Variants in CCDC69 observed in about 807,000 individuals in gnomAD.
CCDC69 encodes coiled-coil domain containing 69, also known as coiled-coil domain-containing protein 69.
In CCDC69, 38 loss-of-function variants were observed where a neutral mutation model predicts 40.3. The observed-to-expected ratio is 0.94, with a 90% CI of 0.73 to 1.24. CCDC69 has a LOEUF of 1.24. CCDC69 is among the 50% of genes most tolerant of loss of function. CCDC69 has a pLI of 0.00. For missense variants in CCDC69, 389 were observed against 357.9 expected, an observed-to-expected ratio of 1.09 and a Z score of -0.70; for synonymous variants, 141 against 138.9, an observed-to-expected ratio of 1.02 and a Z score of -0.11.
At chr5:151,202,300 G>A (rs970581375) in intron 2 of CCDC69, among the ~76,000 whole-genome samples, 1 of 151,970 alleles carries the variant, frequency 6.6e-6, no homozygotes, top group Non-Finnish European at 1.5e-5. Context: ...GTTCAAGGCT[G>A]CAGTAAGCTA....
chr5:151,216,228 G>T (rs1382907144), intron 1 of CCDC69, among the ~76,000 whole-genome samples: 1 of 152,060 alleles, frequency 6.6e-6, no homozygotes, highest in Non-Finnish European at 1.5e-5. Flanking sequence ...CAAAGTGCTG[G>T]GATTACAGGC....
intron 1 of CCDC69, among the ~76,000 whole-genome samples, chr5:151,217,268 T>A (rs1290578721): frequency 6.6e-6 from 1 of 152,226 alleles, no homozygotes; most frequent in Non-Finnish European, 1.5e-5. Flanking sequence ...CCTCTACAGA[T>A]GCAGCTGCTG....
At chr5:151,192,930 T>A (rs1404534731) in intron 4 of CCDC69, among the ~76,000 whole-genome samples, 1 of 151,856 alleles carries the variant, frequency 6.6e-6, no homozygotes, top group Admixed American at 6.6e-5. Context: ...AAAATAAAAA[T>A]AAAAAATACC....
At chr5:151,207,513 G>C (rs188364305) in intron 1 of CCDC69, among the ~76,000 whole-genome samples, 1 of 149,490 alleles carries the variant, frequency 6.7e-6, no homozygotes, top group Non-Finnish European at 1.5e-5. Context: ...GGATGGTCTC[G>C]ATCTCCTGAC....
chr5:151,195,728 A>AAC (rs1386539944), intron 4 of CCDC69, among the ~76,000 whole-genome samples: 9 of 150,166 alleles, frequency 6.0e-5, no homozygotes, highest in South Asian at 4.2e-4. Context: ...CAAAAAAAAA[A>AAC]AAAAAAAAAA....
intron 3 of CCDC69, among the ~76,000 whole-genome samples, chr5:151,199,793 A>G (rs1752752415): frequency 6.6e-6 from 1 of 152,206 alleles, no homozygotes; most frequent in Non-Finnish European, 1.5e-5. Flanking sequence ...GGTAATGGTC[A>G]GGGCCAAATG....
chr5:151,217,859 T>A (rs1753072197), intron 1 of CCDC69, among the ~76,000 whole-genome samples: 1 of 152,200 alleles, frequency 6.6e-6, no homozygotes, highest in African/African-American at 2.4e-5. Flanking sequence ...GAGGGGACAT[T>A]ACTGAATCCA....
chr5:151,183,517 G>A lies in CCDC69; in HGVS notation c.811C>T (p.Arg271Trp), dbSNP rs768932630. The A allele has an allele frequency of 5.5e-5, 88 of 1,608,956 alleles. No homozygotes were observed. Among genetic ancestry groups the A allele is most frequent in the South Asian group, 3.0e-4 (27 of 89,558 alleles). Residue 271 changes from arginine (R) to tryptophan (W), a missense_variant, in exon 9 of 9, where the codon CGG becomes TGG. Arg to Trp is a moderately radical substitution (Grantham distance 101). Coordinates refer to ENST00000355417, the MANE Select transcript of CCDC69 (RefSeq NM_015621.3). ...LQQEKEELLYRVLGANASPAF... is the reference protein window; with the variant it reads ...LQQEKEELLYWVLGANASPAF... ...GGCGAGGCATTGGCCCCAAGGACCC[G>A]GTACAACAGCTCCTCCTTCTCCTGC... is the stretch of plus-strand genomic sequence containing the variant.
intron 3 of CCDC69, 140 bp downstream of exon 3, chr5:151,201,442 A>G: frequency 1.7e-6 from 1 of 580,326 alleles, no homozygotes; most frequent in East Asian, 3.0e-5. Context: ...TGTGTTCAAC[A>G]GATAAAGGAC....
intron 6 of CCDC69, 67 bp from the exon 7 acceptor site, chr5:151,185,608 A>ATGAGTTGCTGG: frequency 6.4e-7 from 1 of 1,562,184 alleles, no homozygotes; most frequent in Non-Finnish European, 8.7e-7. Flanking sequence ...TCTGCCAGCA[A>ATGAGTTGCTGG]CTCATTGTTG....
At chr5:151,221,771 A>C (rs895594679) in intron 1 of CCDC69, among the ~76,000 whole-genome samples, 3 of 152,266 alleles carry the variant, frequency 2.0e-5, no homozygotes, top group Admixed American at 6.5e-5. Flanking sequence ...GGTTATCAGA[A>C]CCTAACCCCT....
chr5:151,223,701 C>A (rs1753170720), intron 1 of CCDC69, among the ~76,000 whole-genome samples: 1 of 152,200 alleles, frequency 6.6e-6, no homozygotes, highest in Admixed American at 6.5e-5. Context: ...TTTCCCTGGC[C>A]CGGGTGCCGT....
intron 4 of CCDC69, among the ~76,000 whole-genome samples, chr5:151,194,411 A>C (rs1489854149): frequency 6.6e-6 from 1 of 152,278 alleles, no homozygotes; most frequent in Non-Finnish European, 1.5e-5. Flanking sequence ...GGAAGCCAAT[A>C]TAAAAAATCA....
At chr5:151,211,518 CTTTTTTTT>C (rs774546814) in intron 1 of CCDC69, among the ~76,000 whole-genome samples, 3 of 108,768 alleles carry the variant, frequency 2.8e-5, no homozygotes. Context: ...TTTGCATCTG[CTTTTTTTT>C]TTTTTTTTTT....
intron 1 of CCDC69, among the ~76,000 whole-genome samples, chr5:151,219,063 G>A (rs1280353576): frequency 6.6e-6 from 1 of 152,188 alleles, no homozygotes; most frequent in Admixed American, 6.5e-5. Context: ...AGATTGGTGG[G>A]CATTAGTTTC....
intron 1 of CCDC69, among the ~76,000 whole-genome samples, chr5:151,218,671 A>G (rs1483841671): frequency 1.3e-5 from 2 of 152,208 alleles, no homozygotes; most frequent in African/African-American, 4.8e-5. Context: ...TGATTTATAT[A>G]GCAGCCTGTT....
chr5:151,203,813 ATC>A (rs1752812324), intron 2 of CCDC69, among the ~76,000 whole-genome samples: 1 of 131,652 alleles, frequency 7.6e-6, no homozygotes, highest in African/African-American at 3.1e-5. Flanking sequence ...TATAATATAT[ATC>A]GTATATATAG....
intron 1 of CCDC69, among the ~76,000 whole-genome samples, chr5:151,223,216 T>C (rs777586241): frequency 2.2e-4 from 33 of 152,134 alleles, no homozygotes; most frequent in Admixed American, 7.9e-4. Context: ...AATTGTCCCC[T>C]GGGCCCTGAC....
chr5:151,218,266 T>C (rs780879498), intron 1 of CCDC69, among the ~76,000 whole-genome samples: 4 of 152,222 alleles, frequency 2.6e-5, no homozygotes, highest in Non-Finnish European at 4.4e-5. Context: ...TTGCTCCTTT[T>C]CTCTGCCAAG....
Sources: allele counts gnomAD v4.1 joint callset (sites outside exome capture counted in the v4.1 genomes callset), GRCh38; gene constraint gnomAD v4.1.1; transcripts MANE v1.5; gene names NCBI Gene and HGNC (gene_info 2026-07-23, HGNC 2026-07-21).